GFRA2: variants seen among roughly 807,000 people sequenced by gnomAD.
GFRA2 encodes the protein GDNF family receptor alpha 2, also known as GDNF family receptor alpha-2.
GFRA2 carries 17 observed loss-of-function variants against 48.3 expected under a neutral mutation model. The observed-to-expected ratio is 0.35, with a 90% confidence interval of 0.24 to 0.53. The LOEUF (loss-of-function observed/expected upper bound fraction) is 0.53, where lower values mean the gene tolerates loss of function less well. Ranked by LOEUF, GFRA2 falls within the 20% of genes least tolerant of loss-of-function variation. GFRA2 has a pLI of 0.93. For missense variants in GFRA2, 660 were observed against 637.3 expected (o/e 1.04, Z -0.38); for synonymous variants, 305 against 257.2 (o/e 1.19, Z -1.78).
intron 4 of GFRA2, among the ~76,000 whole-genome samples, chr8:21,749,621 T>C (rs1475465285): frequency 1.3e-5 from 2 of 152,088 alleles, no homozygotes; most frequent in African/African-American, 4.8e-5. Context: ...GTGACCTACG[T>C]TGGGATATTA....
chr8:21,711,549 G>C (rs1420060337), intron 4 of GFRA2, among the ~76,000 whole-genome samples: 9 of 152,174 alleles, frequency 5.9e-5, no homozygotes, highest in Non-Finnish European at 1.5e-5. Flanking sequence ...AGAGACACTT[G>C]ACCCCCAGTT....
Position 21,782,701 on chromosome 8 carries a change from G to A in GFRA2, c.239C>T (p.Ala80Val), listed in dbSNP as rs1219012672. The change falls in exon 2 of 9, where the codon GCG becomes GTG. Residue 80 changes from alanine to valine, a missense_variant. Transcript: ENST00000524240. ...NTMLANKECQ[A>V]ALEVLQESPL... ...GCTCTCCTGCAAGACCTCCAAGGCC[G>A]CCTGGCACTCCTTGTTGGCCAGCAT... 3.5e-5 allele frequency: 56 copies of A among 1,593,984 alleles called. No homozygotes were observed. In the East Asian group the frequency reaches 7.8e-4, roughly 22 times the overall value.
chr8:21,694,379 G>T, intron 8 of GFRA2, 85 bp downstream of exon 8: 1 of 1,297,348 alleles, frequency 7.7e-7, no homozygotes, highest in Non-Finnish European at 1.1e-6. Flanking sequence ...AGATTTGAGG[G>T]CGCTGGATCT....
At chr8:21,772,417 C>T (rs1257766811) in intron 3 of GFRA2, among the ~76,000 whole-genome samples, 2 of 152,202 alleles carry the variant, frequency 1.3e-5, no homozygotes, top group African/African-American at 4.8e-5. Flanking sequence ...AATCCTCCCA[C>T]CTTGGCCTCC....
chr8:21,783,559 G>A (rs754077332), intron 1 of GFRA2, among the ~76,000 whole-genome samples: 231 of 152,088 alleles, frequency 1.5e-3, no homozygotes, highest in Non-Finnish European at 2.4e-3. Flanking sequence ...CTGACTTTAC[G>A]ACAAGACAGG....
chr8:21,788,871 C>G lies in GFRA2; in HGVS notation c.-712G>C, dbSNP rs2117096796. ...CGCTCTTTGCTCTCGCTCTCTCCAG[C>G]TCTCCCTCGCTCTCCTCTCTCCCTC... On this transcript the variant is annotated 5_prime_UTR_variant, in exon 1 of 9. Transcript: ENST00000524240. 1.2e-6 allele frequency: 1 copy of G among 808,124 alleles called. No individual in the cohort carries two copies. Among genetic ancestry groups the G allele is most frequent in the Non-Finnish European group, 1.5e-6 (1 of 668,264 alleles). The allele number at this position is 808,124 out of a possible 1,614,324, so 50.1% of individuals were successfully genotyped here.
At chr8:21,696,495 G>A (rs1802182646) in intron 7 of GFRA2, among the ~76,000 whole-genome samples, 1 of 152,182 alleles carries the variant, frequency 6.6e-6, no homozygotes. Flanking sequence ...CCTGCACAAT[G>A]TGCTGTGGCT....
At chr8:21,807,262 G>T (rs1283795841) in intron 1 of GFRA2, among the ~76,000 whole-genome samples, 1 of 152,170 alleles carries the variant, frequency 6.6e-6, no homozygotes, top group African/African-American at 2.4e-5. Flanking sequence ...CAGTGGGTTT[G>T]TTACATAAGT....
intron 1 of GFRA2, among the ~76,000 whole-genome samples, chr8:21,805,827 G>A (rs1807853655): frequency 6.6e-6 from 1 of 152,166 alleles, no homozygotes; most frequent in Admixed American, 6.5e-5. Flanking sequence ...TGAATTACTT[G>A]TTAATTGCTA....
intron 4 of GFRA2, among the ~76,000 whole-genome samples, chr8:21,710,433 C>T (rs928925871): frequency 6.6e-6 from 1 of 152,210 alleles, no homozygotes; most frequent in Admixed American, 6.5e-5. Flanking sequence ...AGGTGGATCT[C>T]GGTCCCACAC....
intron 7 of GFRA2, among the ~76,000 whole-genome samples, chr8:21,696,281 C>A (rs867944692): frequency 6.6e-6 from 1 of 151,690 alleles, no homozygotes; most frequent in African/African-American, 2.4e-5. Flanking sequence ...GCAGAAGCTC[C>A]CTGCACTCAA....
chr8:21,808,957 G>T lies in GFRA2; in HGVS notation c.-148+3274C>A, dbSNP rs75539247. On this transcript the variant is annotated intron_variant, in intron 1 of 10. Transcript: ENST00000517328. ...TTATTTCTACCTCTTTTTATCACGG[G>T]TATTTTTAGAAGCTGCCTCAAATGC... Among the ~76,000 whole-genome samples the T allele has an allele frequency of 1.9e-3, 291 of 152,304 alleles. 12 individuals carry two copies. In the East Asian group the frequency reaches 0.043, roughly 23 times the overall value.
rs1801925792 is a variant in GFRA2 at position 21,692,565 on chromosome 8, T to C, written c.*713A>G. The C allele has an allele frequency of 6.6e-6, 1 of 151,750 alleles. No homozygotes were observed. The highest frequency in any genetic ancestry group is 2.0e-4 in the East Asian group (1 of 5,110). 9.4% of individuals were successfully genotyped at this position (151,750 alleles called of 1,614,324 possible). A position where few individuals can be genotyped will look rare whatever the true frequency, so the allele number is the denominator to read the frequency against. Reference sequence around the variant, plus strand: ...AAAGAAGCTGGTGCCCAAGTTTTAATGCCTCGCCACAAGGGCTCTCCCAGG... The same window carrying C: ...AAAGAAGCTGGTGCCCAAGTTTTAACGCCTCGCCACAAGGGCTCTCCCAGG... On this transcript the variant is annotated 3_prime_UTR_variant, in exon 9 of 9. Transcript: ENST00000524240.
chr8:21,809,320 A>G (rs1585356580), intron 1 of GFRA2, among the ~76,000 whole-genome samples: 1 of 152,218 alleles, frequency 6.6e-6, no homozygotes, highest in South Asian at 2.1e-4. Flanking sequence ...AACAATTTGT[A>G]TCTCTGTTTG....
chr8:21,722,735 C>T (rs1182991531), intron 4 of GFRA2, among the ~76,000 whole-genome samples: 1 of 152,224 alleles, frequency 6.6e-6, no homozygotes, highest in African/African-American at 2.4e-5. Flanking sequence ...CTCCCTAATC[C>T]CTGAATTATG....
rs148033575 is a variant in GFRA2, at chr8:21,750,071, ATGTG to A, written c.794+513_794+516del. Among the ~76,000 whole-genome samples the A allele has an allele frequency of 1.9e-4, 29 of 149,834 alleles. 1 individual carries two copies. The highest frequency in any genetic ancestry group is 3.9e-4 in the East Asian group (2 of 5,082). ...TATGTAAGTATATATATGTGTATAT[ATGTG>A]TGTGTGTGTGTATACACACACACAC... is the stretch of plus-strand genomic sequence containing the variant. On this transcript the variant is annotated intron_variant, in intron 4 of 8. Coordinates refer to ENST00000524240, the MANE Select transcript of GFRA2 (RefSeq NM_001495.5). The surrounding 1 kb of genome is among the most constrained non-coding windows in gnomAD (Gnocchi z 5.7).
chr8:21,754,906 C>T (rs1031263972), intron 3 of GFRA2, among the ~76,000 whole-genome samples: 2 of 152,042 alleles, frequency 1.3e-5, no homozygotes, highest in Admixed American at 6.5e-5. Flanking sequence ...GAATCTTATT[C>T]TGTGATAAAA....
At chr8:21,788,061 G>A in intron 1 of GFRA2, 59 bp downstream of exon 1, 2 of 294,726 alleles carry the variant, frequency 6.8e-6, no homozygotes, top group Non-Finnish European at 5.8e-6. Flanking sequence ...CGCTCCGCTC[G>A]CCCCCCGCCT....
chr8:21,783,485 AAGG>A (rs1807114900), intron 1 of GFRA2, among the ~76,000 whole-genome samples: 1 of 152,134 alleles, frequency 6.6e-6, no homozygotes, highest in Admixed American at 6.5e-5. Flanking sequence ...ATGACAACTC[AAGG>A]TCACACATAG....
Sources: allele counts gnomAD v4.1 joint callset (sites outside exome capture counted in the v4.1 genomes callset), GRCh38; gene constraint gnomAD v4.1.1; non-coding constraint Gnocchi (gnomAD v3.1); transcripts MANE v1.5; gene names NCBI Gene and HGNC (gene_info 2026-07-23, HGNC 2026-07-21).